NRAP: variants seen among roughly 807,000 people sequenced by gnomAD.
The protein encoded by NRAP is nebulin-related-anchoring protein.
In NRAP, 189 loss-of-function variants were observed where a neutral mutation model predicts 225.9. The observed-to-expected ratio is 0.84, with a 90% CI of 0.74 to 0.94. The LOEUF is 0.94. NRAP is among the 40% of genes least tolerant of loss of function. The pLI is 0.00. For synonymous variants in NRAP, 769 were observed against 790.7 expected, an observed-to-expected ratio of 0.97 and a Z score of 0.46; for missense variants, 2,176 against 2,168.7, an observed-to-expected ratio of 1.00 and a Z score of -0.07.
At chr10:113,617,392 C>T in intron 26 of NRAP, 63 bp downstream of exon 26, 1 of 1,013,022 alleles carries the variant, frequency 9.9e-7, no homozygotes, top group Non-Finnish European at 1.6e-6. Context: ...CCCTCCGCTT[C>T]AATCGCAGTG....
chr10:113,660,449 T>C (rs1160612347), intron 3 of NRAP, among the ~76,000 whole-genome samples: 2 of 152,152 alleles, frequency 1.3e-5, no homozygotes, highest in African/African-American at 2.4e-5. Flanking sequence ...GCAGGCTTCC[T>C]GGGAAGCTCA....
In NRAP at chr10:113,656,324, C is replaced by T. The variant is rs182502258; in HGVS notation, c.360+1146G>A. 7.9e-5 allele frequency among the ~76,000 whole-genome samples: 12 copies of T among 152,318 alleles called. 1 individual carries two copies. The highest frequency in any genetic ancestry group is 2.6e-4 in the African/African-American group (11 of 41,562). Reference sequence around the variant, plus strand: ...ACCTATAACCTGAAAGCCCCCACTTCGAGGTGTCCTGCCTTTCCAGATGGA... The same window carrying T: ...ACCTATAACCTGAAAGCCCCCACTTTGAGGTGTCCTGCCTTTCCAGATGGA... On this transcript the variant is annotated intron_variant, in intron 4 of 41. Coordinates refer to ENST00000359988, the MANE Select transcript of NRAP (RefSeq NM_198060.4).
At chr10:113,633,056 C>T (rs1454052739) in intron 16 of NRAP, 28 bp downstream of exon 16, 4 of 1,138,526 alleles carry the variant, frequency 3.5e-6, no homozygotes, top group Non-Finnish European at 5.4e-6. Flanking sequence ...ATAACCCCCT[C>T]CACCGTCTCC....
In NRAP at chr10:113,631,501, G is replaced by C. The variant is rs1368499976; in HGVS notation, c.1842+8C>G. 6.4e-7 allele frequency: 1 copy of C among 1,567,662 alleles called. No homozygotes were observed. The highest frequency in any genetic ancestry group is 8.7e-7 in the Non-Finnish European group (1 of 1,148,964). On this transcript the variant is annotated splice_region_variant and intron_variant, in intron 18 of 41. Transcript: ENST00000359988. ...AAGTGAGAGGTTGGGGGTTAGAAAA[G>C]AGTTTACCTCACTGCTCATCTTAGC...
At chr10:113,605,097 CCTAT>C (rs1335913680) in intron 34 of NRAP, among the ~76,000 whole-genome samples, 177 bp from the exon 35 acceptor site, 1 of 152,196 alleles carries the variant, frequency 6.6e-6, no homozygotes, top group Non-Finnish European at 1.5e-5. Flanking sequence ...CTCCATTCTT[CCTAT>C]CTAATTAAAA....
intron 3 of NRAP, among the ~76,000 whole-genome samples, chr10:113,658,439 C>G (rs896877788): frequency 2.0e-5 from 3 of 152,154 alleles, no homozygotes; most frequent in African/African-American, 7.2e-5. Flanking sequence ...TGGGGGAAAA[C>G]TGACCTCTCA....
chr10:113,601,343 T>G (rs1290098668), intron 35 of NRAP, among the ~76,000 whole-genome samples: 1 of 152,258 alleles, frequency 6.6e-6, no homozygotes, highest in Non-Finnish European at 1.5e-5. Context: ...TCCCTTGACG[T>G]AATGCCTATT....
chr10:113,637,743 G>A (rs192321908), intron 14 of NRAP, among the ~76,000 whole-genome samples: 30 of 152,248 alleles, frequency 2.0e-4, no homozygotes, highest in African/African-American at 4.1e-4. Context: ...GACCAACAGG[G>A]AGAAACACCA....
chr10:113,639,915 C>T (rs901151683), intron 14 of NRAP, among the ~76,000 whole-genome samples: 1 of 152,100 alleles, frequency 6.6e-6, no homozygotes, highest in Admixed American at 6.5e-5. Context: ...ATCATCCTTG[C>T]TAAGGAACAA....
intron 38 of NRAP, among the ~76,000 whole-genome samples, chr10:113,592,855 A>G (rs1846071117): frequency 6.6e-6 from 1 of 152,240 alleles, no homozygotes; most frequent in African/African-American, 2.4e-5. Flanking sequence ...AAGAGCCTTC[A>G]CCTGAATTAA....
chr10:113,614,236 C>T lies in NRAP; in HGVS notation c.3247G>A (p.Glu1083Lys), dbSNP rs1343074116. Residue 1083 changes from glutamate to lysine, a missense_variant, in exon 29 of 42, where the codon GAA becomes AAA. This residue lies in a region of NRAP where 1,708 missense variants were observed against 1,695.5 expected (regional missense o/e 1.01). Transcript: ENST00000359988. ...GAATGTGCAAGGCTGATATCATCTT[C>T]CAAGCTCCGGGAACCAAGCATCTGT... ...KGQMLGSRSL[E>K]DDISLAHSVY... 1 of 1,614,128 alleles carries T rather than the reference C, an allele frequency of 6.2e-7. No individual in the cohort carries two copies. The highest frequency in any genetic ancestry group is 2.2e-5 in the East Asian group (1 of 44,884).
chr10:113,662,268 C>T (rs1850724741), intron 3 of NRAP, among the ~76,000 whole-genome samples: 1 of 152,110 alleles, frequency 6.6e-6, no homozygotes, highest in Non-Finnish European at 1.5e-5. Flanking sequence ...TTATGGAGTA[C>T]ATATAATATT....
chr10:113,600,894 TTTAG>T (rs1433467894), intron 35 of NRAP, among the ~76,000 whole-genome samples: 1 of 152,138 alleles, frequency 6.6e-6, no homozygotes, highest in Non-Finnish European at 1.5e-5. Flanking sequence ...TTCCATACAT[TTTAG>T]TTAGTGCTGT....
In NRAP at chr10:113,605,951, A is replaced by G. The variant is rs575608873; in HGVS notation, c.3808-82T>C. 64 of 1,027,488 alleles carry G rather than the reference A, an allele frequency of 6.2e-5. No homozygotes were observed. The East Asian group carries it at 1.5e-3, about 24-fold the overall frequency. 63.6% of individuals were successfully genotyped at this position (1,027,488 alleles called of 1,614,324 possible). ...AGGCCACCCCTTTCATTTATAGCAC[A>G]GTGTTCCAGAATCAATTTCTGTTTT... On this transcript the variant is annotated intron_variant, in intron 33 of 41. Transcript: ENST00000359988.
intron 3 of NRAP, among the ~76,000 whole-genome samples, chr10:113,661,297 T>C (rs865870926): frequency 6.6e-6 from 1 of 152,254 alleles, no homozygotes; most frequent in Non-Finnish European, 1.5e-5. Context: ...GTAAATGCTA[T>C]ATATGCTTGT....
Position 113,623,539 on chromosome 10 carries a change from A to T in NRAP, c.2447T>A (p.Leu816Gln), listed in dbSNP as rs771534682. ...TGGGGACAGACTCACCTCGCTAGCC[A>T]GGTCCCTCTTGGCTTTGGCTGCCAG... is the stretch of plus-strand genomic sequence containing the variant. Reference protein sequence around the residue: ...TFLAAKAKRDLASEVKYKEDY... With the variant: ...TFLAAKAKRDQASEVKYKEDY... The change falls in exon 23 of 42, where the codon CTG becomes CAG. Residue 816 changes from leucine to glutamine, a missense_variant. Leu to Gln is a moderately radical substitution (Grantham distance 113). Coordinates refer to ENST00000359988, the MANE Select transcript of NRAP (RefSeq NM_198060.4). 7 of 1,612,254 alleles carry T rather than the reference A, an allele frequency of 4.3e-6. No individual in the cohort carries two copies. The highest frequency in any genetic ancestry group is 5.9e-6 in the Non-Finnish European group (7 of 1,178,444).
At chr10:113,663,780 T>G (rs1390578987) in intron 1 of NRAP, 31 bp downstream of exon 1, 1 of 1,515,770 alleles carries the variant, frequency 6.6e-7, no homozygotes, top group African/African-American at 1.4e-5. Flanking sequence ...TGTTTGTTAT[T>G]ATTCACAAAA....
chr10:113,612,335 C>T lies in NRAP; in HGVS notation c.3397G>A (p.Ala1133Thr), dbSNP rs1847380724. Residue 1133 changes from alanine to threonine, a missense_variant, in exon 30 of 42, where the codon GCC (alanine) becomes ACC (threonine). Transcript: ENST00000359988. ...GGATGTTTGTAGTCCTGATTGCTGGCCAGGGTCTGAGCCTTCTTGGCATGC... is the reference window on the plus strand; with the variant it reads ...GGATGTTTGTAGTCCTGATTGCTGGTCAGGGTCTGAGCCTTCTTGGCATGC... ...LVHAKKAQTL[A>T]SNQDYKHPLP... is the part of the protein sequence containing the mutation. 1 of 1,614,140 alleles carries T rather than the reference C, an allele frequency of 6.2e-7. No homozygotes were observed. Among genetic ancestry groups the T allele is most frequent in the South Asian group, 1.1e-5 (1 of 91,074 alleles).
chr10:113,610,697 C>T (rs751326911), intron 30 of NRAP, 134 bp from the exon 31 acceptor site: 22 of 593,838 alleles, frequency 3.7e-5, no homozygotes, highest in East Asian at 8.7e-5. Flanking sequence ...CCCGTCCCTC[C>T]GGATATATTA....
Sources: allele counts gnomAD v4.1 joint callset (sites outside exome capture counted in the v4.1 genomes callset), GRCh38; gene constraint gnomAD v4.1.1; regional missense constraint gnomAD v4.1.1; transcripts MANE v1.5; gene names NCBI Gene and HGNC (gene_info 2026-07-23, HGNC 2026-07-21).